TBC1D2B: variants seen among roughly 807,000 people sequenced by gnomAD.
The protein encoded by TBC1D2B is TBC1 domain family, member 2B.
A neutral mutation model predicts 100.8 loss-of-function variants in TBC1D2B; 64 were observed. The observed-to-expected ratio is 0.64, with a 90% CI of 0.52 to 0.78. The LOEUF is 0.78. Among genes scored for constraint, TBC1D2B ranks in the 30% least tolerant of loss-of-function variants. TBC1D2B has a pLI of 0.00. For missense variants in TBC1D2B, 1,052 were observed against 1,218.4 expected, an observed-to-expected ratio of 0.86 and a Z score of 2.03; for synonymous variants, 480 against 479.7, an observed-to-expected ratio of 1.00 and a Z score of -0.01.
intron 5 of TBC1D2B, among the ~76,000 whole-genome samples, chr15:78,024,952 G>A (rs1392138017): frequency 6.6e-6 from 1 of 152,246 alleles, no homozygotes; most frequent in Non-Finnish European, 1.5e-5. Flanking sequence ...ACTCTGGGCT[G>A]AAACTGTGTT....
intron 1 of TBC1D2B, among the ~76,000 whole-genome samples, chr15:78,073,943 T>C (rs1447106489): frequency 6.7e-6 from 1 of 150,374 alleles, no homozygotes; most frequent in Non-Finnish European, 1.5e-5. Flanking sequence ...CACTCCAGCC[T>C]GGGCGACACA....
chr15:78,025,234 G>C, intron 5 of TBC1D2B, 25 bp downstream of exon 5: 1 of 1,603,200 alleles, frequency 6.2e-7, no homozygotes, highest in Non-Finnish European at 8.5e-7. Context: ...GGTGGGGTAA[G>C]ACAGAAGCCA....
intron 9 of TBC1D2B, among the ~76,000 whole-genome samples, chr15:78,010,741 T>C (rs1263817079): frequency 6.6e-6 from 1 of 152,102 alleles, no homozygotes; most frequent in Non-Finnish European, 1.5e-5. Flanking sequence ...TGAATCACCA[T>C]CATCTAGACA....
intron 8 of TBC1D2B, among the ~76,000 whole-genome samples, chr15:78,014,732 A>G (rs1253603563): frequency 6.6e-6 from 1 of 152,258 alleles, no homozygotes; most frequent in African/African-American, 2.4e-5. Context: ...TCTTAAAAAA[A>G]ATAGCTCAGG....
At chr15:78,068,163 T>C (rs1160324330) in intron 1 of TBC1D2B, among the ~76,000 whole-genome samples, 1 of 152,262 alleles carries the variant, frequency 6.6e-6, no homozygotes, top group Non-Finnish European at 1.5e-5. Context: ...GCCTCTTCAA[T>C]GTTTTTTTCA....
chr15:78,022,424 T>C (rs1453370857), intron 6 of TBC1D2B, among the ~76,000 whole-genome samples: 2 of 152,224 alleles, frequency 1.3e-5, no homozygotes, highest in African/African-American at 4.8e-5. Context: ...ATGTGTATTA[T>C]TGATGGGTAT....
intron 12 of TBC1D2B, among the ~76,000 whole-genome samples, chr15:78,000,890 C>T (rs1230518785): frequency 6.6e-6 from 1 of 152,220 alleles, no homozygotes. Flanking sequence ...GACCACCTAC[C>T]TCCAGGCCAC....
intron 2 of TBC1D2B, among the ~76,000 whole-genome samples, chr15:78,053,271 G>A (rs145892728): frequency 7.2e-5 from 11 of 152,312 alleles, no homozygotes; most frequent in African/African-American, 2.2e-4. Context: ...CCTTACTGTT[G>A]TCTACTCCTT....
intron 1 of TBC1D2B, 69 bp from the exon 2 acceptor site, chr15:78,054,256 C>A: frequency 6.8e-7 from 1 of 1,477,422 alleles, no homozygotes. Context: ...AATATTATGT[C>A]TCATGAGTAG....
chr15:77,996,705 A>G lies in TBC1D2B; in HGVS notation c.*1455T>C, dbSNP rs1172707055. Reference sequence around the variant, plus strand: ...GCCGTGGCATTGCCAAAAAGTTGACAGCAAAAAATAGGAAAAATACTTCTT... The same window carrying G: ...GCCGTGGCATTGCCAAAAAGTTGACGGCAAAAAATAGGAAAAATACTTCTT... On this transcript the variant is annotated 3_prime_UTR_variant, in exon 13 of 13. Coordinates refer to ENST00000300584, the MANE Select transcript of TBC1D2B (RefSeq NM_144572.2). 1.3e-5 allele frequency: 2 copies of G among 152,274 alleles called. No homozygotes were observed. Among genetic ancestry groups the G allele is most frequent in the African/African-American group, 2.4e-5 (1 of 41,470 alleles). The allele number at this position is 152,274 out of a possible 1,614,324, so 9.4% of individuals were successfully genotyped here. A position where few individuals can be genotyped will look rare whatever the true frequency, so the allele number is the denominator to read the frequency against.
intron 2 of TBC1D2B, among the ~76,000 whole-genome samples, chr15:78,050,745 A>G (rs1264857017): frequency 6.6e-6 from 1 of 152,246 alleles, no homozygotes; most frequent in Non-Finnish European, 1.5e-5. Flanking sequence ...ATACTGACTA[A>G]TAATAAAGCT....
At chr15:78,014,226 T>C (rs1444204186) in intron 8 of TBC1D2B, among the ~76,000 whole-genome samples, 1 of 152,246 alleles carries the variant, frequency 6.6e-6, no homozygotes, top group African/African-American at 2.4e-5. Flanking sequence ...CATGTTGGGC[T>C]ACTGACCTAC....
At chr15:78,057,538 T>G (rs557626116) in intron 1 of TBC1D2B, among the ~76,000 whole-genome samples, 62 of 151,888 alleles carry the variant, frequency 4.1e-4, no homozygotes, top group Non-Finnish European at 6.6e-4. Context: ...CCCAGCTACT[T>G]GGGAGGCTGA....
chr15:78,003,072 C>T (rs947122309), intron 11 of TBC1D2B: 3 of 439,888 alleles, frequency 6.8e-6, no homozygotes, highest in African/African-American at 5.8e-5. Flanking sequence ...TAAGCCATAG[C>T]TCCCAGCGCC....
chr15:78,043,279 T>G (rs1343492425), intron 3 of TBC1D2B, among the ~76,000 whole-genome samples: 1 of 152,204 alleles, frequency 6.6e-6, no homozygotes, highest in East Asian at 1.9e-4. Flanking sequence ...GAAAAACCAG[T>G]GGGACCCCTT....
At chr15:78,041,867 G>A (rs974125081) in intron 3 of TBC1D2B, among the ~76,000 whole-genome samples, 3 of 152,186 alleles carry the variant, frequency 2.0e-5, no homozygotes, top group African/African-American at 7.2e-5. Flanking sequence ...CTTCCTAAGT[G>A]CCAGGGACTG....
At chr15:78,038,910 C>T (rs2073010916) in intron 3 of TBC1D2B, among the ~76,000 whole-genome samples, 1 of 152,192 alleles carries the variant, frequency 6.6e-6, no homozygotes, top group African/African-American at 2.4e-5. Flanking sequence ...GTGAATGGAT[C>T]AAGACCAAGA....
Position 78,052,126 on chromosome 15 carries a change from C to A in TBC1D2B, c.514+1908G>T, listed in dbSNP as rs190888170. ...GTGCCCCCAGGTTCAGCTCACTCCC[C>A]ACAACTGCTTCCAGCCAGTAGCCAT... On this transcript the variant is annotated intron_variant, in intron 2 of 12. Transcript: ENST00000300584. Among the ~76,000 whole-genome samples the A allele has an allele frequency of 2.0e-5, 3 of 152,276 alleles. No individual in the cohort carries two copies. The East Asian group carries it at 5.8e-4, about 29-fold the overall frequency.
At chr15:78,046,936 G>A (rs2073208440) in intron 2 of TBC1D2B, among the ~76,000 whole-genome samples, 1 of 152,214 alleles carries the variant, frequency 6.6e-6, no homozygotes, top group Non-Finnish European at 1.5e-5. Context: ...GGCCTGCACT[G>A]TGTAGGCAGG....
Sources: gnomAD v4.1 joint callset for allele counts (sites outside exome capture counted in the v4.1 genomes callset) on GRCh38, gnomAD v4.1.1 for gene constraint, MANE v1.5 for transcripts, NCBI Gene and HGNC (gene_info 2026-07-23, HGNC 2026-07-21) for gene names.